Variants in PCDHAC1 observed in about 807,000 individuals in gnomAD.
The protein encoded by PCDHAC1 is protocadherin alpha-C1.
PCDHAC1 carries 42 observed loss-of-function variants against 60.0 expected under a neutral mutation model. The observed-to-expected ratio is 0.70, with a 90% CI of 0.55 to 0.90. The LOEUF is 0.90. PCDHAC1 is among the 40% of genes least tolerant of loss of function. The pLI, the probability that PCDHAC1 is intolerant of heterozygous loss-of-function variation, is 0.00. For synonymous variants in PCDHAC1, 468 were observed against 499.3 expected, an observed-to-expected ratio of 0.94 and a Z score of 0.84; for missense variants, 1,160 against 1,222.3, an observed-to-expected ratio of 0.95 and a Z score of 0.76.
chr5:140,986,950 A>G (rs1161887732), intron 3 of PCDHAC1, among the ~76,000 whole-genome samples: 1 of 152,282 alleles, frequency 6.6e-6, no homozygotes, highest in East Asian at 1.9e-4. Context: ...GTGGTCGCTC[A>G]TGCCTGTAAT....
At chr5:140,973,276 C>G (rs1416819589) in intron 1 of PCDHAC1, among the ~76,000 whole-genome samples, 1 of 152,132 alleles carries the variant, frequency 6.6e-6, no homozygotes, top group African/African-American at 2.4e-5. Context: ...TTTATTTCCC[C>G]CAGCACTGAT....
At chr5:140,942,382 A>C (rs1341028342) in intron 1 of PCDHAC1, among the ~76,000 whole-genome samples, 2 of 152,102 alleles carry the variant, frequency 1.3e-5, no homozygotes, top group African/African-American at 4.8e-5. Context: ...ACTGCATTCC[A>C]GCCTGGGCGA....
intron 1 of PCDHAC1, among the ~76,000 whole-genome samples, chr5:140,954,013 C>T (rs942687934): frequency 6.6e-6 from 1 of 152,172 alleles, no homozygotes; most frequent in African/African-American, 2.4e-5. Context: ...TCAGCTCCCA[C>T]ACATAGTGGG....
At chr5:140,968,992 T>C in intron 1 of PCDHAC1, 1 of 1,614,220 alleles carries the variant, frequency 6.2e-7, no homozygotes, top group Non-Finnish European at 8.5e-7. Flanking sequence ...CTGCATGCTG[T>C]GGAGGCTTCT....
chr5:140,997,814 T>C (rs2097786801), intron 3 of PCDHAC1, among the ~76,000 whole-genome samples: 1 of 152,212 alleles, frequency 6.6e-6, no homozygotes, highest in Admixed American at 6.5e-5. Context: ...GCTGTTGGTA[T>C]CTATGTTTTC....
intron 3 of PCDHAC1, among the ~76,000 whole-genome samples, chr5:140,997,511 G>T (rs565737825): frequency 6.6e-6 from 1 of 151,992 alleles, no homozygotes; most frequent in Non-Finnish European, 1.5e-5. Flanking sequence ...ATACCTAAAC[G>T]CAGAAAAAGT....
intron 1 of PCDHAC1, among the ~76,000 whole-genome samples, chr5:140,973,634 C>T (rs2096596343): frequency 6.6e-6 from 1 of 152,220 alleles, no homozygotes; most frequent in African/African-American, 2.4e-5. Flanking sequence ...ATCTTGTACA[C>T]ATTCTGACTG....
chr5:141,007,437 A>G (rs913587541), intron 3 of PCDHAC1, among the ~76,000 whole-genome samples: 2 of 150,734 alleles, frequency 1.3e-5, no homozygotes, highest in Non-Finnish European at 2.9e-5. Context: ...GCATGGTGGC[A>G]TGTGCCTGTA....
chr5:140,927,643 G>A lies in PCDHAC1; in HGVS notation c.751G>A (p.Val251Met). Residue 251 changes from valine to methionine, a missense_variant, in exon 1 of 4, where the codon GTG becomes ATG. Val to Met is a conservative substitution (Grantham distance 21, BLOSUM62 1). Around this residue, in one of 3 missense-constraint regions of PCDHAC1, gnomAD observed 1,113 missense variants for 1,163.7 expected, o/e 0.96. Coordinates refer to ENST00000253807, the MANE Select transcript of PCDHAC1 (RefSeq NM_018898.5). The stretch of plus-strand genomic sequence containing the variant: ...TCCAGAGACTGCACCCAATGGGACT[G>A]TGTTATTCCGAGTTCAAGCCTTGGA... Reference protein sequence around the residue: ...KVPETAPNGTVLFRVQALDPD... With the variant: ...KVPETAPNGTMLFRVQALDPD... The A allele has an allele frequency of 3.7e-6, 6 of 1,614,170 alleles. No homozygotes were observed. Among genetic ancestry groups the A allele is most frequent in the South Asian group, 1.1e-5 (1 of 91,088 alleles).
At chr5:140,993,510 G>A (rs144120217) in intron 3 of PCDHAC1, among the ~76,000 whole-genome samples, 7 of 129,138 alleles carry the variant, frequency 5.4e-5, no homozygotes, top group African/African-American at 1.4e-4. Context: ...ACACACACAC[G>A]GGGAGAGAGA....
rs1443126988 is a variant in PCDHAC1 at position 140,960,088 on chromosome 5, A to G, written c.2434-18861A>G. Among the ~76,000 whole-genome samples, 6 of 152,248 alleles carry G rather than the reference A, an allele frequency of 3.9e-5. No homozygotes were observed. The East Asian group carries it at 5.8e-4, about 15-fold the overall frequency. ...TTCAATTGAAGTTTCTAAAAGAGAA[A>G]GAAACTTGTAGTTGTGGGAACAATA... On this transcript the variant is annotated intron_variant, in intron 1 of 3. Coordinates refer to ENST00000253807, the MANE Select transcript of PCDHAC1 (RefSeq NM_018898.5).
intron 1 of PCDHAC1, among the ~76,000 whole-genome samples, chr5:140,943,845 C>T (rs59104695): frequency 0.056 from 8,479 of 152,194 alleles, 700 homozygotes; most frequent in African/African-American, 0.18. Flanking sequence ...TGTAAGATGT[C>T]ACAGAAGTCA....
Position 141,010,316 on chromosome 5 carries a change from G to T in PCDHAC1, c.*379G>T. ...GGGCAGGCTGAAAAGTTTTGAGATT[G>T]AGCAGCTTGGGAGTTTGTGGCCACT... On this transcript the variant is annotated 3_prime_UTR_variant, in exon 4 of 4. Coordinates refer to ENST00000253807, the MANE Select transcript of PCDHAC1 (RefSeq NM_018898.5). The T allele has an allele frequency of 1.3e-6, 2 of 1,546,404 alleles. No individual in the cohort carries two copies. The highest frequency in any genetic ancestry group is 2.4e-5 in the South Asian group (2 of 83,328).
intron 1 of PCDHAC1, chr5:140,967,672 C>T: frequency 1.2e-6 from 2 of 1,614,182 alleles, no homozygotes; most frequent in Non-Finnish European, 8.5e-7. Context: ...ACACGTCGGA[C>T]CGGGAGAGGC....
intron 3 of PCDHAC1, among the ~76,000 whole-genome samples, chr5:140,993,295 C>G (rs553867145): frequency 3.3e-5 from 5 of 152,090 alleles, no homozygotes; most frequent in African/African-American, 9.7e-5. Flanking sequence ...GGGTCACAAC[C>G]TTGCCTCCAG....
intron 1 of PCDHAC1, among the ~76,000 whole-genome samples, chr5:140,971,036 G>A (rs919714179): frequency 2.0e-5 from 3 of 152,204 alleles, no homozygotes; most frequent in Non-Finnish European, 2.9e-5. Context: ...TTGAAAGCAC[G>A]TAAAAGGGTT....
At position 140,929,210 on chromosome 5, in the gene PCDHAC1, G is replaced by A. The variant is rs782078369; in HGVS notation, c.2318G>A (p.Gly773Glu). The A allele has an allele frequency of 1.9e-6, 3 of 1,613,952 alleles. No individual in the cohort carries two copies. The South Asian group carries it at 3.3e-5, about 18-fold the overall frequency. The part of the protein sequence containing the change: ...GSDNNSLLLR[G>E]EYNAADLRNL... The stretch of plus-strand genomic sequence containing the variant: ...GATAATAACAGTTTGCTGTTGCGTG[G>A]GGAGTACAATGCTGCCGACCTGCGA... The change falls in exon 1 of 4, where the codon GGG becomes GAG. Residue 773 changes from glycine (G) to glutamate (E), a missense_variant. Physicochemically the swap from Gly to Glu is moderately conservative, Grantham distance 98. This residue lies in a region of PCDHAC1 where 1,113 missense variants were observed against 1,163.7 expected (regional missense o/e 0.96). Transcript: ENST00000253807.
At chr5:141,002,020 T>A (rs1380012353) in intron 3 of PCDHAC1, among the ~76,000 whole-genome samples, 4 of 152,166 alleles carry the variant, frequency 2.6e-5, no homozygotes, top group Admixed American at 6.5e-5. Flanking sequence ...TGCACAGCCT[T>A]CGGTGCCCTG....
At chr5:140,993,018 C>T (rs2097537347) in intron 3 of PCDHAC1, among the ~76,000 whole-genome samples, 1 of 152,174 alleles carries the variant, frequency 6.6e-6, no homozygotes, top group African/African-American at 2.4e-5. Flanking sequence ...AGTCCAGCAT[C>T]CCCTGTGGGC....
Sources: gnomAD v4.1 joint callset for allele counts (sites outside exome capture counted in the v4.1 genomes callset) on GRCh38, gnomAD v4.1.1 for gene constraint, gnomAD v4.1.1 regional missense constraint, MANE v1.5 for transcripts, NCBI Gene and HGNC (gene_info 2026-07-23, HGNC 2026-07-21) for gene names.